TXLNB: variants seen among roughly 807,000 people sequenced by gnomAD.
TXLNB encodes taxilin beta.
A neutral mutation model predicts 57.4 loss-of-function variants in TXLNB; 37 were observed. The ratio of observed to expected loss-of-function variants is 0.64; its 90% confidence interval spans 0.50 to 0.85. The LOEUF is 0.85. Among genes scored for constraint, TXLNB ranks in the 40% least tolerant of loss-of-function variants. TXLNB has a pLI of 0.00. For missense variants in TXLNB, 848 were observed against 825.6 expected (o/e 1.03, Z -0.33); for synonymous variants, 302 against 309.6 (o/e 0.98, Z 0.26).
At chr6:139,239,095 C>T (rs556036424), downstream of TXLNB, 6 of 152,366 alleles carry the variant, frequency 3.9e-5, no homozygotes, top group African/African-American at 7.2e-5. This position sits in a 1 kb window ranked among gnomAD's most constrained non-coding sequence, Gnocchi z 4.7. Context: ...CCTTTTCTCC[C>T]TTCTTAGCTC....
At position 139,243,277 on chromosome 6, in the gene TXLNB, A is replaced by T. The variant is rs377041156; in HGVS notation, c.1304T>A (p.Met435Lys). ...LRAKEYECFV[M>K]KIGRLENLCR... ...GAGGTTCTCTAGCCTCCCGATTTTC[A>T]TCACAAAGCACTCATATTCTTTAGC... The change falls in exon 10 of 10, where the codon ATG (methionine) becomes AAG (lysine). Residue 435 changes from methionine (M) to lysine (K), a missense_variant. By Grantham distance (95) the Met-to-Lys change is moderately conservative. Coordinates refer to ENST00000358430, the MANE Select transcript of TXLNB (RefSeq NM_153235.4). 6.2e-7 allele frequency: 1 copy of T among 1,612,496 alleles called. No individual in the cohort carries two copies. The highest frequency in any genetic ancestry group is 1.3e-5 in the African/African-American group (1 of 74,856).
chr6:139,235,952 T>A (rs1775831852), downstream of TXLNB, among the ~76,000 whole-genome samples: 2 of 152,002 alleles, frequency 1.3e-5, no homozygotes, highest in Non-Finnish European at 2.9e-5. Flanking sequence ...TGGTAGGCCA[T>A]CAACAGTGGA....
At chr6:139,265,918 C>G (rs1360131902) in intron 4 of TXLNB, among the ~76,000 whole-genome samples, 1 of 152,012 alleles carries the variant, frequency 6.6e-6, no homozygotes, top group Non-Finnish European at 1.5e-5. Flanking sequence ...AGGGGAAGAT[C>G]ACCCAAAAAA....
chr6:139,196,467 C>T, the TXLNB span, among the ~76,000 whole-genome samples: 1 of 143,960 alleles, frequency 6.9e-6, no homozygotes, highest in African/African-American at 2.6e-5. Context: ...CTCTGCGTCC[C>T]AGGTTCAAGC....
chr6:139,220,856 T>C, the TXLNB span, among the ~76,000 whole-genome samples: 4 of 152,350 alleles, frequency 2.6e-5, no homozygotes, highest in African/African-American at 9.6e-5. Flanking sequence ...GCCGAAATCA[T>C]AGAGCCCAAA....
At chr6:139,292,959 G>T (rs997191217), upstream of TXLNB, among the ~76,000 whole-genome samples, 13 of 152,154 alleles carry the variant, frequency 8.5e-5, no homozygotes, top group African/African-American at 3.1e-4. The surrounding 1 kb of genome is among the most constrained non-coding windows in gnomAD (Gnocchi z 4.0). Flanking sequence ...CCACCCAAAA[G>T]ATCTCCACGT....
chr6:139,167,121 A>G, the TXLNB span: 1 of 1,614,180 alleles, frequency 6.2e-7, no homozygotes, highest in Non-Finnish European at 8.5e-7. Context: ...CGCATGGAAG[A>G]CGATGCCCAA....
At chr6:139,273,920 A>G (rs1291856910) in intron 3 of TXLNB, among the ~76,000 whole-genome samples, 1 of 152,246 alleles carries the variant, frequency 6.6e-6, no homozygotes, top group Non-Finnish European at 1.5e-5. Context: ...CTTACTGCCT[A>G]GCTTCAATCA....
At chr6:139,196,776 T>C in the TXLNB span, among the ~76,000 whole-genome samples, 1 of 152,220 alleles carries the variant, frequency 6.6e-6, no homozygotes, top group African/African-American at 2.4e-5. Flanking sequence ...TCAGCCAAGA[T>C]AGCAGTTTCT....
At chr6:139,215,505 C>A in the TXLNB span, among the ~76,000 whole-genome samples, 6 of 152,260 alleles carry the variant, frequency 3.9e-5, no homozygotes, top group African/African-American at 1.4e-4. Flanking sequence ...ACATGTTAGA[C>A]CTAAAACCAT....
At chr6:139,176,711 C>T in the TXLNB span, among the ~76,000 whole-genome samples, 313 of 152,180 alleles carry the variant, frequency 2.1e-3, no homozygotes, top group Middle Eastern at 0.02. This position sits in a 1 kb window ranked among gnomAD's most constrained non-coding sequence, Gnocchi z 4.5. Context: ...AGCATTTAGG[C>T]AGTAGTAGTT....
chr6:139,297,722 A>G, the TXLNB span, among the ~76,000 whole-genome samples: 3 of 152,240 alleles, frequency 2.0e-5, no homozygotes, highest in Non-Finnish European at 2.9e-5. Context: ...CAAACACATA[A>G]TCTTTTTAAT....
intron 4 of TXLNB, among the ~76,000 whole-genome samples, chr6:139,265,452 G>T (rs1475310902): frequency 6.6e-6 from 1 of 152,158 alleles, no homozygotes; most frequent in Non-Finnish European, 1.5e-5. Flanking sequence ...GTGTCTGTGT[G>T]TGTGTGTGTG....
upstream of TXLNB, among the ~76,000 whole-genome samples, chr6:139,293,661 A>C (rs1396893444): frequency 6.6e-6 from 1 of 152,020 alleles, no homozygotes; most frequent in Non-Finnish European, 1.5e-5. Context: ...TATGGCAACA[A>C]AAGGAAATGA....
At chr6:139,317,741 A>G in the TXLNB span, among the ~76,000 whole-genome samples, 1 of 152,070 alleles carries the variant, frequency 6.6e-6, no homozygotes, top group African/African-American at 2.4e-5. Context: ...ATAGATTTAT[A>G]AATATAAAAT....
the TXLNB span, among the ~76,000 whole-genome samples, chr6:139,224,490 AT>A: frequency 6.1e-3 from 921 of 152,074 alleles, 7 homozygotes; most frequent in African/African-American, 0.019. Flanking sequence ...TCAAAAAAAA[AT>A]ATTTGGTCTG....
At chr6:139,273,595 GCTGGGA>G (rs199720817) in intron 3 of TXLNB, among the ~76,000 whole-genome samples, 4,041 of 152,280 alleles carry the variant, frequency 0.027, 75 homozygotes, top group Admixed American at 0.049. Context: ...CTCCTGAGTA[GCTGGGA>G]CAACAGTTGT....
the TXLNB span, among the ~76,000 whole-genome samples, chr6:139,194,129 G>T: frequency 2.0e-5 from 3 of 152,252 alleles, no homozygotes; most frequent in South Asian, 6.2e-4. Flanking sequence ...TTTTAGTAGA[G>T]ATGGGGTTTC....
the TXLNB span, among the ~76,000 whole-genome samples, chr6:139,229,192 A>C: frequency 6.6e-6 from 1 of 152,258 alleles, no homozygotes; most frequent in Non-Finnish European, 1.5e-5. Flanking sequence ...AGAAAAGGAC[A>C]GATGACCCAA....
Sources: allele counts gnomAD v4.1 joint callset (sites outside exome capture counted in the v4.1 genomes callset), GRCh38; gene constraint gnomAD v4.1.1; non-coding constraint Gnocchi (gnomAD v3.1); transcripts MANE v1.5; gene names NCBI Gene and HGNC (gene_info 2026-07-23, HGNC 2026-07-21).